ATP8A2: variants seen among roughly 807,000 people sequenced by gnomAD.
ATP8A2 encodes the protein phospholipid-transporting ATPase IB.
In ATP8A2, 100 loss-of-function variants were observed where a neutral mutation model predicts 165.6. That is an observed-to-expected ratio of 0.60 (90% CI 0.51 to 0.71). ATP8A2 has a LOEUF of 0.71. Ranked by LOEUF, ATP8A2 falls within the 30% of genes least tolerant of loss-of-function variation. The probability of loss-of-function intolerance (pLI) is 0.00; values close to 1 mark genes in which losing one functional copy is unlikely to be tolerated. For missense variants in ATP8A2, 1,227 were observed against 1,479.5 expected (o/e 0.83, Z 2.80); for synonymous variants, 543 against 548.8 (o/e 0.99, Z 0.15).
At chr13:25,494,200 G>A (rs573981900) in intron 2 of ATP8A2, among the ~76,000 whole-genome samples, 12 of 152,088 alleles carry the variant, frequency 7.9e-5, no homozygotes, top group South Asian at 2.1e-4. Flanking sequence ...GTCAATGTCT[G>A]TTAAGGGACC....
chr13:25,953,134 T>C lies in ATP8A2; in HGVS notation c.3184-8441T>C, dbSNP rs553807728. 1.3e-3 allele frequency among the ~76,000 whole-genome samples: 192 copies of C among 152,288 alleles called. 2 individuals are homozygous for C. In the South Asian group the frequency reaches 0.038, roughly 30 times the overall value. ...TATTTTGTTGTTGTGTTGTCGATGCTGGGTGGGAATGGATTGGAAAAATTG... is the reference window on the plus strand; with the variant it reads ...TATTTTGTTGTTGTGTTGTCGATGCCGGGTGGGAATGGATTGGAAAAATTG... On this transcript the variant is annotated intron_variant, in intron 33 of 36. Transcript: ENST00000381655. The surrounding 1 kb of genome is among the most constrained non-coding windows in gnomAD (Gnocchi z 6.7).
chr13:25,660,598 A>G (rs2042028393), intron 24 of ATP8A2, among the ~76,000 whole-genome samples: 1 of 152,160 alleles, frequency 6.6e-6, no homozygotes, highest in Admixed American at 6.5e-5. Context: ...CAAACATAAA[A>G]GGGTGCTCCA....
intron 25 of ATP8A2, among the ~76,000 whole-genome samples, chr13:25,751,164 C>T (rs759811601): frequency 6.6e-6 from 1 of 152,218 alleles, no homozygotes; most frequent in Non-Finnish European, 1.5e-5. Flanking sequence ...ACCTCCCATA[C>T]CTTGGCTTAC....
At chr13:25,891,251 C>T (rs893968376) in intron 33 of ATP8A2, among the ~76,000 whole-genome samples, 1 of 152,150 alleles carries the variant, frequency 6.6e-6, no homozygotes, top group South Asian at 2.1e-4. Context: ...CACTCGAAAA[C>T]GATCGTGTTG....
rs537622630 is a variant in ATP8A2 at position 25,959,121 on chromosome 13, C to T, written c.3184-2454C>T. 5.3e-5 allele frequency among the ~76,000 whole-genome samples: 8 copies of T among 152,340 alleles called. No individual in the cohort carries two copies. In the South Asian group the frequency reaches 1.5e-3, roughly 28 times the overall value. ...TAGCATGAGCAAAACCCAAGGTCCC[C>T]TCTGGAGACCCTGTTTACCCTGCAG... On this transcript the variant is annotated intron_variant, in intron 33 of 36. Coordinates refer to ENST00000381655, the MANE Select transcript of ATP8A2 (RefSeq NM_016529.6).
intron 25 of ATP8A2, among the ~76,000 whole-genome samples, chr13:25,761,130 C>T (rs893042271): frequency 1.3e-5 from 2 of 152,144 alleles, no homozygotes; most frequent in South Asian, 2.1e-4. Flanking sequence ...AGGACCTATG[C>T]CTGGTATTGC....
At chr13:25,817,913 T>C (rs949574429) in intron 27 of ATP8A2, among the ~76,000 whole-genome samples, 1 of 152,122 alleles carries the variant, frequency 6.6e-6, no homozygotes, top group Non-Finnish European at 1.5e-5. Flanking sequence ...ACTCCTGGGC[T>C]CAAGCAGTCC....
intron 24 of ATP8A2, among the ~76,000 whole-genome samples, chr13:25,594,377 G>C (rs913926452): frequency 2.0e-4 from 31 of 152,150 alleles, no homozygotes; most frequent in Non-Finnish European, 8.8e-5. Flanking sequence ...ATGGGTGGAA[G>C]ACCTATACAA....
At chr13:25,553,965 T>G (rs778433349) in intron 12 of ATP8A2, 45 bp downstream of exon 12, 2 of 1,578,538 alleles carry the variant, frequency 1.3e-6, no homozygotes, top group Admixed American at 3.6e-5. Context: ...CAATGCTATT[T>G]CAGAGCCTTT....
At chr13:25,878,790 A>G (rs1341658722) in intron 33 of ATP8A2, among the ~76,000 whole-genome samples, 1 of 151,932 alleles carries the variant, frequency 6.6e-6, no homozygotes, top group African/African-American at 2.4e-5. Flanking sequence ...CTGCCTTCCC[A>G]TCGCCCCAGC....
intron 25 of ATP8A2, among the ~76,000 whole-genome samples, chr13:25,724,308 G>C (rs946937765): frequency 5.3e-5 from 8 of 152,212 alleles, no homozygotes; most frequent in African/African-American, 1.9e-4. Flanking sequence ...GAAAGATTCA[G>C]CCTGGGGATG....
intron 33 of ATP8A2, chr13:25,863,482 T>A (rs1952414176): frequency 6.6e-6 from 1 of 152,296 alleles, no homozygotes; most frequent in Non-Finnish European, 1.5e-5. Context: ...ATTTGCAGGA[T>A]GCTTGTGCAG....
chr13:25,638,631 T>C (rs147385441), intron 24 of ATP8A2, among the ~76,000 whole-genome samples: 4 of 152,088 alleles, frequency 2.6e-5, no homozygotes, highest in Non-Finnish European at 4.4e-5. Flanking sequence ...CTACATTGAT[T>C]GGTGTACCTG....
At chr13:25,926,419 A>G (rs1954609435) in intron 33 of ATP8A2, among the ~76,000 whole-genome samples, 1 of 152,162 alleles carries the variant, frequency 6.6e-6, no homozygotes, top group African/African-American at 2.4e-5. Flanking sequence ...CTCCCAGAGC[A>G]CTGACTGTAA....
chr13:25,872,969 G>A (rs1952717084), intron 33 of ATP8A2, among the ~76,000 whole-genome samples: 1 of 152,098 alleles, frequency 6.6e-6, no homozygotes, highest in African/African-American at 2.4e-5. Context: ...CTTAAGCCAG[G>A]CTAGACGTAT....
At chr13:25,536,818 C>G (rs1400327628) in intron 6 of ATP8A2, among the ~76,000 whole-genome samples, 2 of 152,280 alleles carry the variant, frequency 1.3e-5, no homozygotes, top group East Asian at 3.9e-4. Flanking sequence ...CAGTTATGCT[C>G]CCACTGATGG....
intron 24 of ATP8A2, among the ~76,000 whole-genome samples, chr13:25,677,291 A>G (rs2042392293): frequency 6.6e-6 from 1 of 152,262 alleles, no homozygotes; most frequent in South Asian, 2.1e-4. Context: ...TGGACAGTCC[A>G]GAACATTTCG....
Position 25,658,379 on chromosome 13 carries a change from G to A in ATP8A2, c.2212-40794G>A, listed in dbSNP as rs139417728. On this transcript the variant is annotated intron_variant, in intron 24 of 36. Transcript: ENST00000381655. ...TTGGCCAGGCACGGTGGCTCACACC[G>A]GTAATCCCAGCACTTTGGGAGGCCG... is the stretch of plus-strand genomic sequence containing the variant. Among the ~76,000 whole-genome samples the A allele has an allele frequency of 0.017, 2,609 of 152,124 alleles. 197 individuals are homozygous for A. In the East Asian group the frequency reaches 0.24, roughly 14 times the overall value.
At chr13:25,559,107 A>T (rs758567309) in intron 14 of ATP8A2, 46 bp downstream of exon 14, 2 of 1,324,774 alleles carry the variant, frequency 1.5e-6, no homozygotes, top group Non-Finnish European at 2.1e-6. Context: ...TATTCTTTCA[A>T]GAAAATAAGT....
Sources: gnomAD v4.1 joint callset for allele counts (sites outside exome capture counted in the v4.1 genomes callset) on GRCh38, gnomAD v4.1.1 for gene constraint, Gnocchi (gnomAD v3.1) non-coding constraint, MANE v1.5 for transcripts, NCBI Gene and HGNC (gene_info 2026-07-23, HGNC 2026-07-21) for gene names.